Variants in PRSS1 observed in about 807,000 individuals in gnomAD.
PRSS1 encodes the protein serine protease 1, also known as TCR V beta 4.1.
Under a neutral mutation model 24.2 loss-of-function variants are expected in PRSS1, and 22 were observed. The ratio of observed to expected loss-of-function variants is 0.91; its 90% CI spans 0.65 to 1.30. The LOEUF (loss-of-function observed/expected upper bound fraction) is 1.30, where lower values mean the gene tolerates loss of function less well. Among genes scored for constraint, PRSS1 ranks in the 50% most tolerant of loss-of-function variants. PRSS1 has a pLI of 0.00. For missense variants in PRSS1, 366 were observed against 304.2 expected (o/e 1.20, Z -1.51); for synonymous variants, 126 against 116.1 (o/e 1.08, Z -0.55).
At position 142,752,074 on chromosome 7, in the gene PRSS1, T is replaced by C. The variant is rs772639876; in HGVS notation, c.454+47T>C. The C allele has an allele frequency of 9.3e-6, 15 of 1,613,192 alleles. No individual in the cohort carries two copies. The Admixed American group carries it at 1.3e-4, about 14-fold the overall frequency. ...TCTACTTCCCTCCATCCTCACAATT[T>C]CCAGAACAAACCATGCCCCTTAACT... On this transcript the variant is annotated intron_variant, in intron 3 of 4. Transcript: ENST00000311737.
intron 3 of PRSS1, 144 bp from the exon 4 acceptor site, chr7:142,752,287 A>T (rs1798809744): frequency 7.5e-7 from 1 of 1,325,828 alleles, no homozygotes; most frequent in Admixed American, 1.7e-5. Flanking sequence ...GGGAACTAAA[A>T]GCCAGAGTCT....
chr7:142,750,877 A>G lies in PRSS1; in HGVS notation c.200+163A>G, dbSNP rs755375064. The G allele has an allele frequency of 8.5e-6, 9 of 1,060,194 alleles. No individual in the cohort carries two copies. The Admixed American group carries it at 1.2e-4, about 14-fold the overall frequency. The allele number at this position is 1,060,194 out of a possible 1,614,324, so 65.7% of individuals were successfully genotyped here. ...CTCTCCAGAGCAGAGAGTGAACACA[A>G]GACAGGAACCTCTCACACCCAGGCA... On this transcript the variant is annotated intron_variant, in intron 2 of 4. Coordinates refer to ENST00000311737, the MANE Select transcript of PRSS1 (RefSeq NM_002769.5).
Position 142,751,804 on chromosome 7 carries a change from C to A in PRSS1, c.231C>A (p.Asn77Lys). 6.9e-7 allele frequency: 1 copy of A among 1,448,048 alleles called. No individual in the cohort carries two copies. The highest frequency in any genetic ancestry group is 1.2e-5 in the South Asian group (1 of 83,120). 89.7% of individuals were successfully genotyped at this position (1,448,048 alleles called of 1,614,324 possible). The stretch of plus-strand genomic sequence containing the variant: ...TCCAGGTGAGACTGGGAGAGCACAA[C>A]ATCGAAGTCCTGGAGGGGAATGAGC... ...SRIQVRLGEH[N>K]IEVLEGNEQF... The change falls in exon 3 of 5, where the codon AAC (asparagine) becomes AAA (lysine). Residue 77 changes from asparagine (N) to lysine (K), a missense_variant. Transcript: ENST00000311737.
rs545762999 is a variant in PRSS1 at position 142,752,120 on chromosome 7, C to A, written c.454+93C>A. 68 of 1,214,350 alleles carry A rather than the reference C, an allele frequency of 5.6e-5. No homozygotes were observed. The Middle Eastern group carries it at 1.7e-3, about 31-fold the overall frequency. The allele number at this position is 1,214,350 out of a possible 1,614,324, so 75.2% of individuals were successfully genotyped here. The stretch of plus-strand genomic sequence containing the variant: ...TAACTTGAATCCTCTCACCTCCAGG[C>A]TTAAGACACATTTCGAGTGCCCATT... On this transcript the variant is annotated intron_variant, in intron 3 of 4. Coordinates refer to ENST00000311737, the MANE Select transcript of PRSS1 (RefSeq NM_002769.5).
At position 142,752,471 on chromosome 7, in the gene PRSS1, G is replaced by A; in HGVS notation, c.495G>A (p.Val165=). ...AGCTGCAGTGCCTGGATGCTCCTGT[G>A]CTGAGCCAGGCTAAGTGTGAAGCCT... The part of the protein sequence containing the change: ...PDELQCLDAP[V]LSQAKCEASY... The change falls in exon 4 of 5, where the codon GTG becomes GTA. Residue 165 remains valine, a synonymous_variant. Transcript: ENST00000311737. 6.2e-7 allele frequency: 1 copy of A among 1,614,188 alleles called. No homozygotes were observed. The highest frequency in any genetic ancestry group is 8.5e-7 in the Non-Finnish European group (1 of 1,180,016).
chr7:142,752,465 T>C lies in PRSS1; in HGVS notation c.489T>C (p.Ala163=), dbSNP rs775936808. Residue 163 remains alanine, a synonymous_variant, in exon 4 of 5, where the codon GCT becomes GCC. Transcript: ENST00000311737. ...DYPDELQCLD[A]PVLSQAKCEA... is the part of the protein sequence containing the mutation. ...CAGACGAGCTGCAGTGCCTGGATGC[T>C]CCTGTGCTGAGCCAGGCTAAGTGTG... 6.2e-7 allele frequency: 1 copy of C among 1,614,032 alleles called. No individual in the cohort carries two copies. The highest frequency in any genetic ancestry group is 8.5e-7 in the Non-Finnish European group (1 of 1,180,000).
chr7:142,752,753 T>A lies in PRSS1; in HGVS notation c.592-115T>A, dbSNP rs940318545. The A allele has an allele frequency of 8.0e-6, 12 of 1,507,112 alleles. No individual in the cohort carries two copies. In the African/African-American group the frequency reaches 8.3e-5, roughly 10 times the overall value. 93.4% of individuals were successfully genotyped at this position (1,507,112 alleles called of 1,614,324 possible). ...AGGAAGAACAGAGAATGGGCCACCA[T>A]GAGAAGGACATGGAGCCACAGAGCT... On this transcript the variant is annotated intron_variant, in intron 4 of 4. Transcript: ENST00000311737.
chr7:142,751,750 C>T, intron 2 of PRSS1, 24 bp from the exon 3 acceptor site: 10 of 1,614,188 alleles, frequency 6.2e-6, no homozygotes, highest in Non-Finnish European at 7.6e-6. Flanking sequence ...AGAAGGTCTT[C>T]ACCATGCCTG....
At chr7:142,751,050 T>C (rs1291008909) in intron 2 of PRSS1, 2 of 703,132 alleles carry the variant, frequency 2.8e-6, no homozygotes, top group Admixed American at 4.0e-5. Context: ...AAAATACAGA[T>C]GCCTTTGTCC....
rs754618801 is a variant in PRSS1, at chr7:142,751,877, A to G, written c.304A>G (p.Lys102Glu). The G allele has an allele frequency of 8.7e-6, 14 of 1,613,922 alleles. No individual in the cohort carries two copies. In the East Asian group the frequency reaches 3.1e-4, roughly 36 times the overall value. The change falls in exon 3 of 5, where the codon AAG (lysine) becomes GAG (glutamate). Residue 102 changes from lysine (K) to glutamate (E), a missense_variant. Physicochemically the swap from Lys to Glu is moderately conservative, Grantham distance 56 (BLOSUM62 1). Coordinates refer to ENST00000311737, the MANE Select transcript of PRSS1 (RefSeq NM_002769.5). ...KIIRHPQYDR[K>E]TLNNDIMLIK... ...CATCCGCCACCCCCAATACGACAGG[A>G]AGACTCTGAACAATGACATCATGTT...
At chr7:142,750,357 C>A (rs1209727433) in intron 1 of PRSS1, among the ~76,000 whole-genome samples, 198 bp from the exon 2 acceptor site, 3 of 151,920 alleles carry the variant, frequency 2.0e-5, no homozygotes, top group Non-Finnish European at 2.9e-5. Context: ...CCGCAGGGTA[C>A]CTAGCTATGT....
At chr7:142,751,662 C>T (rs1798742824) in intron 2 of PRSS1, 112 bp from the exon 3 acceptor site, 2 of 1,602,970 alleles carry the variant, frequency 1.2e-6, no homozygotes, top group Admixed American at 1.7e-5. Context: ...ACACACCCCA[C>T]CCCATGCCTC....
chr7:142,752,957 A>C lies in PRSS1; in HGVS notation c.681A>C (p.Gly227=), dbSNP rs780015944. ...GDGCAQKNKP[G]VYTKVYNYVK... ...GCTGTGCCCAGAAGAACAAGCCTGG[A>C]GTCTACACCAAGGTCTACAACTATG... Residue 227 remains glycine (G), a synonymous_variant, in exon 5 of 5, where the codon GGA becomes GGC. Transcript: ENST00000311737. 3.1e-6 allele frequency: 5 copies of C among 1,613,044 alleles called. No homozygotes were observed. The highest frequency in any genetic ancestry group is 4.2e-6 in the Non-Finnish European group (5 of 1,179,692).
In PRSS1 at chr7:142,751,597, C is replaced by G. The variant is rs968616189; in HGVS notation, c.201-177C>G. The G allele has an allele frequency of 8.6e-5, 100 of 1,162,880 alleles. No individual in the cohort carries two copies. The African/African-American group carries it at 1.5e-3, about 17-fold the overall frequency. The allele number at this position is 1,162,880 out of a possible 1,614,324, so 72.0% of individuals were successfully genotyped here. ...CACCAACCTCTGGAGCAGATAGGTC[C>G]TGGGTCTCATACCTTCACTGACCCA... On this transcript the variant is annotated intron_variant, in intron 2 of 4. Coordinates refer to ENST00000311737, the MANE Select transcript of PRSS1 (RefSeq NM_002769.5).
chr7:142,750,761 G>A (rs765092181), intron 2 of PRSS1, 47 bp downstream of exon 2: 12 of 1,613,244 alleles, frequency 7.4e-6, no homozygotes, highest in South Asian at 3.3e-5. Context: ...AGTCTGCCTG[G>A]GAGAGCTTGG....
At chr7:142,751,727 C>A (rs763523106) in intron 2 of PRSS1, 47 bp from the exon 3 acceptor site, 2 of 1,590,814 alleles carry the variant, frequency 1.3e-6, no homozygotes, top group African/African-American at 1.4e-5. Context: ...GGGATAGGTG[C>A]CCTGGCTGTG....
chr7:142,750,228 T>C (rs1363782642), intron 1 of PRSS1, among the ~76,000 whole-genome samples: 4 of 152,108 alleles, frequency 2.6e-5, no homozygotes, highest in African/African-American at 4.8e-5. Flanking sequence ...AGGTGATGAA[T>C]AAAAGAGAGA....
intron 2 of PRSS1, 23 bp from the exon 3 acceptor site, chr7:142,751,751 A>C (rs1585985861): frequency 6.2e-7 from 1 of 1,614,146 alleles, no homozygotes; most frequent in African/African-American, 1.3e-5. Flanking sequence ...GAAGGTCTTC[A>C]CCATGCCTGC....
In PRSS1 at chr7:142,752,002, C is replaced by A. The variant is rs745788965; in HGVS notation, c.429C>A (p.Gly143=). The A allele has an allele frequency of 6.2e-7, 1 of 1,614,194 alleles. No homozygotes were observed. Among genetic ancestry groups the A allele is most frequent in the East Asian group, 2.2e-5 (1 of 44,886 alleles). Residue 143 remains glycine (G), a synonymous_variant, in exon 3 of 5, where the codon GGC becomes GGA. Transcript: ENST00000311737. Reference sequence around the variant, plus strand: ...CTGGCACGAAGTGCCTCATCTCTGGCTGGGGCAACACTGCGAGCTCTGGCG... The same window carrying A: ...CTGGCACGAAGTGCCTCATCTCTGGATGGGGCAACACTGCGAGCTCTGGCG... ...PATGTKCLIS[G]WGNTASSGAD...
Sources: allele counts gnomAD v4.1 joint callset (sites outside exome capture counted in the v4.1 genomes callset), GRCh38; gene constraint gnomAD v4.1.1; transcripts MANE v1.5; gene names NCBI Gene and HGNC (gene_info 2026-07-23, HGNC 2026-07-21).